The following PALM2AKAP2 variants were observed in gnomAD, a reference collection of about 807,000 sequenced individuals.
PALM2AKAP2 encodes PALM2-AKAP2 fusion protein.
A neutral mutation model predicts 71.5 loss-of-function variants in PALM2AKAP2; 37 were observed. The ratio of observed to expected loss-of-function variants is 0.52; its 90% confidence interval spans 0.40 to 0.68. The LOEUF (loss-of-function observed/expected upper bound fraction) is 0.68, where lower values mean the gene tolerates loss of function less well. PALM2AKAP2 is among the 30% of genes least tolerant of loss of function. The pLI is 0.00. For synonymous variants in PALM2AKAP2, 468 were observed against 478.8 expected (o/e 0.98, Z 0.29); for missense variants, 1,224 against 1,191.8 (o/e 1.03, Z -0.40).
chr9:109,895,431 A>G (rs1433420731), intron 3 of PALM2AKAP2, among the ~76,000 whole-genome samples: 4 of 152,222 alleles, frequency 2.6e-5, no homozygotes, highest in Non-Finnish European at 4.4e-5. Context: ...AGGAACGACA[A>G]TAAGATTTGC....
intron 6 of PALM2AKAP2, among the ~76,000 whole-genome samples, chr9:109,965,752 AT>A (rs1167813457): frequency 5.9e-5 from 9 of 152,172 alleles, no homozygotes; most frequent in Non-Finnish European, 1.0e-4. Flanking sequence ...CAATAAAAAA[AT>A]AAATGCCTCG....
At chr9:109,825,664 A>C (rs1828128907) in intron 1 of PALM2AKAP2, among the ~76,000 whole-genome samples, 1 of 152,230 alleles carries the variant, frequency 6.6e-6, no homozygotes, top group South Asian at 2.1e-4. Context: ...CCACAATGAG[A>C]TACCATCTCA....
In PALM2AKAP2 at chr9:109,897,696, G is replaced by A. The variant is rs190892033; in HGVS notation, c.257+17015G>A. Among the ~76,000 whole-genome samples the A allele has an allele frequency of 1.5e-4, 23 of 152,272 alleles. 1 individual carries two copies. The East Asian group carries it at 3.3e-3, about 22-fold the overall frequency. ...TTCTCAGACCAAATTTTTTCACCAGGCATTTATTAGAAGGAGGTTTCATGT... is the reference window on the plus strand; with the variant it reads ...TTCTCAGACCAAATTTTTTCACCAGACATTTATTAGAAGGAGGTTTCATGT... On this transcript the variant is annotated intron_variant, in intron 3 of 9. Transcript: ENST00000302798.
intron 1 of PALM2AKAP2, among the ~76,000 whole-genome samples, chr9:109,662,737 G>A (rs905114119): frequency 6.6e-5 from 10 of 152,154 alleles, no homozygotes; most frequent in African/African-American, 1.9e-4. Context: ...AGTTTCAGAA[G>A]GAATGGTACC....
chr9:109,980,004 C>T (rs755761716), intron 6 of PALM2AKAP2, among the ~76,000 whole-genome samples: 4 of 152,078 alleles, frequency 2.6e-5, no homozygotes, highest in Non-Finnish European at 5.9e-5. Flanking sequence ...AGAAGTGTGT[C>T]CTCAGGATAT....
intron 3 of PALM2AKAP2, 76 bp from the exon 4 acceptor site, chr9:109,923,659 A>C: frequency 6.8e-7 from 1 of 1,465,052 alleles, no homozygotes; most frequent in South Asian, 1.3e-5. Context: ...AAATCGCCCA[A>C]CAGGAAGGAG....
intron 1 of PALM2AKAP2, among the ~76,000 whole-genome samples, chr9:110,135,164 A>AAAAAAAAATATAAAT: frequency 1.9e-5 from 1 of 51,744 alleles, no homozygotes; most frequent in Admixed American, 2.1e-4. Flanking sequence ...AAAAAAAAAA[A>AAAAAAAAATATAAAT]ATATATAAAT....
exon 4 of PALM2AKAP2, chr9:110,172,198 A>T (rs1836875635): frequency 6.6e-6 from 1 of 152,644 alleles, no homozygotes; most frequent in Non-Finnish European, 1.5e-5. Context: ...CCTAAGTGTT[A>T]GAGATGGTGA....
chr9:109,819,595 C>T (rs7046191), intron 1 of PALM2AKAP2, among the ~76,000 whole-genome samples: 1,661 of 151,960 alleles, frequency 0.011, 30 homozygotes, highest in African/African-American at 0.038. Context: ...GCACAGGATG[C>T]AAGACAACAC....
At chr9:109,857,709 C>T (rs1049980592) in intron 1 of PALM2AKAP2, among the ~76,000 whole-genome samples, 7 of 152,206 alleles carry the variant, frequency 4.6e-5, no homozygotes, top group African/African-American at 1.7e-4. Context: ...TGTTTGGCCA[C>T]TTCTTAGCTC....
chr9:110,121,310 CT>C (rs2119006827), intron 1 of PALM2AKAP2, among the ~76,000 whole-genome samples: 1 of 152,264 alleles, frequency 6.6e-6, no homozygotes, highest in Admixed American at 6.5e-5. Context: ...GATGTAGGGT[CT>C]TTTGGTGACG....
At chr9:109,644,251 G>C (rs1365202955) in intron 1 of PALM2AKAP2, among the ~76,000 whole-genome samples, 2 of 151,640 alleles carry the variant, frequency 1.3e-5, no homozygotes, top group African/African-American at 2.4e-5. Flanking sequence ...GTCCCTCCTT[G>C]GGTCTCACAA....
rs1564278361 is a variant in PALM2AKAP2, at chr9:110,048,922, G to A, written c.156+67G>A. 11 of 1,420,478 alleles carry A rather than the reference G, an allele frequency of 7.7e-6. No individual in the cohort carries two copies. The South Asian group carries it at 1.2e-4, about 15-fold the overall frequency. The allele number at this position is 1,420,478 out of a possible 1,614,324, so 88.0% of individuals were successfully genotyped here. A position where few individuals can be genotyped will look rare whatever the true frequency, so the allele number is the denominator to read the frequency against. On this transcript the variant is annotated intron_variant, in intron 1 of 3. Transcript: ENST00000374525. ...CGAGTGTGAGGAAGGGGTGGCCGAG[G>A]AAGGGGTTGCCGAGGAAGGGCTGGA... is the stretch of plus-strand genomic sequence containing the variant.
chr9:110,053,527 CAAAAAAAAAAAA>C (rs56132919), intron 1 of PALM2AKAP2, among the ~76,000 whole-genome samples: 1 of 82,876 alleles, frequency 1.2e-5, no homozygotes, highest in East Asian at 4.0e-4. Context: ...AACTCTGTCT[CAAAAAAAAAAAA>C]AAAAAAAAAG....
At chr9:109,795,715 T>C (rs1827234283) in intron 1 of PALM2AKAP2, among the ~76,000 whole-genome samples, 1 of 152,208 alleles carries the variant, frequency 6.6e-6, no homozygotes, top group Admixed American at 6.5e-5. Flanking sequence ...ACCTAACATT[T>C]CTGCGGAGAT....
intron 2 of PALM2AKAP2, among the ~76,000 whole-genome samples, chr9:110,140,995 G>A (rs1383534927): frequency 5.9e-5 from 9 of 152,180 alleles, no homozygotes; most frequent in Admixed American, 1.3e-4. Flanking sequence ...CATTCAGACC[G>A]TAGCATGAGT....
At chr9:109,743,271 G>T (rs997823705) in intron 1 of PALM2AKAP2, among the ~76,000 whole-genome samples, 1 of 152,182 alleles carries the variant, frequency 6.6e-6, no homozygotes. Context: ...CAAGAAGTAA[G>T]ATTTATGGCA....
At chr9:109,941,317 C>T (rs1588023225) in intron 6 of PALM2AKAP2, among the ~76,000 whole-genome samples, 1 of 152,132 alleles carries the variant, frequency 6.6e-6, no homozygotes, top group Non-Finnish European at 1.5e-5. Context: ...AAATAAAAAG[C>T]AAGGCTGTTG....
intron 1 of PALM2AKAP2, among the ~76,000 whole-genome samples, chr9:110,076,247 C>T (rs535817878): frequency 3.9e-5 from 6 of 152,020 alleles, no homozygotes; most frequent in East Asian, 3.9e-4. Flanking sequence ...GGTTTCTACA[C>T]GTGGTCCTTA....
Sources: allele counts gnomAD v4.1 joint callset (sites outside exome capture counted in the v4.1 genomes callset), GRCh38; gene constraint gnomAD v4.1.1; transcripts MANE v1.5; gene names NCBI Gene and HGNC (gene_info 2026-07-23, HGNC 2026-07-21).